C12orf42: variants seen among roughly 807,000 people sequenced by gnomAD.
C12orf42 encodes chromosome 12 open reading frame 42, also known as uncharacterized protein C12orf42.
Under a neutral mutation model 21.6 loss-of-function variants are expected in C12orf42, and 25 were observed. The ratio of observed to expected loss-of-function variants is 1.16; its 90% CI spans 0.84 to 1.62. The LOEUF (loss-of-function observed/expected upper bound fraction) is 1.62, where lower values mean the gene tolerates loss of function less well. Ranked by LOEUF, C12orf42 falls within the 40% of genes most tolerant of loss-of-function variation. The probability of loss-of-function intolerance (pLI) is 0.00; values close to 1 mark genes in which losing one functional copy is unlikely to be tolerated. For missense variants in C12orf42, 483 were observed against 459.3 expected (o/e 1.05, Z -0.47); for synonymous variants, 174 against 175.0 (o/e 0.99, Z 0.05).
At chr12:103,355,560 T>A (rs2043470144) in intron 4 of C12orf42, among the ~76,000 whole-genome samples, 1 of 152,024 alleles carries the variant, frequency 6.6e-6, no homozygotes, top group Non-Finnish European at 1.5e-5. Context: ...GATTATCCAG[T>A]CTCTTCCTCT....
At chr12:103,124,855 A>G in the C12orf42 span, among the ~76,000 whole-genome samples, 1 of 152,228 alleles carries the variant, frequency 6.6e-6, no homozygotes, top group Non-Finnish European at 1.5e-5. Context: ...GGCACTTAGA[A>G]GTAACTTCAG....
chr12:103,394,695 AAGCACTGG>A (rs2047366267), intron 3 of C12orf42, among the ~76,000 whole-genome samples: 1 of 152,226 alleles, frequency 6.6e-6, no homozygotes, highest in South Asian at 2.1e-4. Flanking sequence ...GCAGGAAAGC[AAGCACTGG>A]AGGGGTGGCT....
chr12:103,194,203 A>C, the C12orf42 span, among the ~76,000 whole-genome samples: 23 of 152,158 alleles, frequency 1.5e-4, no homozygotes, highest in African/African-American at 5.5e-4. Context: ...TATATGAAAA[A>C]CCCATAGGTA....
At chr12:103,162,110 A>G in the C12orf42 span, among the ~76,000 whole-genome samples, 1 of 152,090 alleles carries the variant, frequency 6.6e-6, no homozygotes, top group Non-Finnish European at 1.5e-5. Context: ...CTTTCTATAC[A>G]TGGAGTAAGA....
At chr12:103,294,587 A>AAGGAAGGAAGGAAGGAAG (rs1566025881) in intron 4 of C12orf42, among the ~76,000 whole-genome samples, 7 of 61,522 alleles carry the variant, frequency 1.1e-4, no homozygotes, top group African/African-American at 4.1e-4. Flanking sequence ...AAGGAAGGAA[A>AAGGAAGGAAGGAAGGAAG]GAAAGAAAGA....
chr12:103,383,419 G>T (rs1011551394), intron 3 of C12orf42, among the ~76,000 whole-genome samples: 11 of 151,990 alleles, frequency 7.2e-5, no homozygotes, highest in African/African-American at 2.4e-4. Flanking sequence ...CTTTTTAAAA[G>T]GGCATAGTAT....
chr12:103,393,359 C>T (rs192651008), intron 3 of C12orf42, among the ~76,000 whole-genome samples: 17 of 152,096 alleles, frequency 1.1e-4, no homozygotes, highest in Admixed American at 1.1e-3. Flanking sequence ...CACTTTACAA[C>T]AATCAGATCT....
At chr12:103,136,339 T>C in the C12orf42 span, among the ~76,000 whole-genome samples, 1 of 151,980 alleles carries the variant, frequency 6.6e-6, no homozygotes, top group Admixed American at 6.6e-5. Context: ...AAAACCTCCA[T>C]AGAAAAAAAC....
the C12orf42 span, among the ~76,000 whole-genome samples, chr12:103,171,191 A>C: frequency 1.3e-5 from 2 of 152,130 alleles, no homozygotes; most frequent in Non-Finnish European, 2.9e-5. Flanking sequence ...AGCCATCCCA[A>C]TACTATCTAT....
At chr12:103,551,775 C>T in the C12orf42 span, among the ~76,000 whole-genome samples, 407 of 152,208 alleles carry the variant, frequency 2.7e-3, 3 homozygotes, top group African/African-American at 9.0e-3. Flanking sequence ...CAAGATCTTG[C>T]TACTATACTC....
chr12:103,437,432 C>A (rs1001262872), intron 2 of C12orf42, among the ~76,000 whole-genome samples: 6 of 151,302 alleles, frequency 4.0e-5, no homozygotes, highest in Admixed American at 3.9e-4. Context: ...AATAGAGACA[C>A]AAAAAACCCT....
At chr12:103,225,267 C>T in the C12orf42 span, among the ~76,000 whole-genome samples, 206 of 152,162 alleles carry the variant, frequency 1.4e-3, no homozygotes, top group African/African-American at 3.6e-3. Flanking sequence ...GTTGATAAGG[C>T]GAAGATCCTG....
intron 3 of C12orf42, among the ~76,000 whole-genome samples, chr12:103,380,776 A>T (rs1340055436): frequency 6.6e-6 from 1 of 152,348 alleles, no homozygotes; most frequent in East Asian, 1.9e-4. Context: ...GCTACAGACC[A>T]GGCACTGTTC....
chr12:103,433,552 C>T (rs371437243), intron 2 of C12orf42, among the ~76,000 whole-genome samples: 17 of 152,252 alleles, frequency 1.1e-4, no homozygotes, highest in African/African-American at 3.6e-4. Flanking sequence ...TCTAACTACC[C>T]ATTTGTAAAA....
At chr12:103,384,255 C>CA (rs1162952760) in intron 3 of C12orf42, among the ~76,000 whole-genome samples, 1 of 149,616 alleles carries the variant, frequency 6.7e-6, no homozygotes, top group African/African-American at 2.5e-5. Context: ...AAGCGACATT[C>CA]AAAAAAAAAG....
chr12:103,476,177 G>A (rs1231666816), intron 2 of C12orf42, among the ~76,000 whole-genome samples: 1 of 152,154 alleles, frequency 6.6e-6, no homozygotes, highest in Admixed American at 6.5e-5. Flanking sequence ...GCTGATGTGG[G>A]GTAAAATCCC....
chr12:103,247,719 G>A (rs924211827), intron 10 of C12orf42, among the ~76,000 whole-genome samples: 1 of 151,972 alleles, frequency 6.6e-6, no homozygotes, highest in Non-Finnish European at 1.5e-5. Flanking sequence ...GCTGGGCCAA[G>A]CTTCCTGACT....
At chr12:103,311,606 T>C (rs978729785) in intron 4 of C12orf42, among the ~76,000 whole-genome samples, 3 of 152,190 alleles carry the variant, frequency 2.0e-5, no homozygotes, top group Non-Finnish European at 2.9e-5. Context: ...CTTTTATTAA[T>C]AGTATTCCTT....
At chr12:103,098,538 C>T in the C12orf42 span, among the ~76,000 whole-genome samples, 1 of 152,218 alleles carries the variant, frequency 6.6e-6, no homozygotes, top group South Asian at 2.1e-4. Flanking sequence ...GCGTTTCAGC[C>T]ATCATCTGGG....
Sources: gnomAD v4.1 joint callset for allele counts (sites outside exome capture counted in the v4.1 genomes callset) on GRCh38, gnomAD v4.1.1 for gene constraint, MANE v1.5 for transcripts, NCBI Gene and HGNC (gene_info 2026-07-23, HGNC 2026-07-21) for gene names.